Variants in DOCK9 observed in about 807,000 individuals in gnomAD.
The protein encoded by DOCK9 is dedicator of cytokinesis 9.
Under a neutral mutation model 263.3 loss-of-function variants are expected in DOCK9, and 89 were observed. The observed-to-expected ratio is 0.34, with a 90% CI of 0.28 to 0.40. DOCK9 has a LOEUF of 0.40. Ranked by LOEUF, DOCK9 falls within the 10% of genes least tolerant of loss-of-function variation. The pLI is 1.00. For missense variants in DOCK9, 2,140 were observed against 2,603.4 expected (o/e 0.82, Z 3.87); for synonymous variants, 976 against 973.1 (o/e 1.00, Z -0.06).
At chr13:98,999,479 T>C (rs1881851215) in intron 1 of DOCK9, among the ~76,000 whole-genome samples, 1 of 152,226 alleles carries the variant, frequency 6.6e-6, no homozygotes, top group South Asian at 2.1e-4. Flanking sequence ...TTCCAGATCA[T>C]CTGGCCTTCT....
intron 2 of DOCK9, among the ~76,000 whole-genome samples, chr13:98,937,288 A>T (rs77926066): frequency 0.03 from 4,601 of 152,268 alleles, 228 homozygotes; most frequent in African/African-American, 0.1. Flanking sequence ...CATCTCACAC[A>T]ACTATTTGGA....
chr13:99,036,978 T>C (rs531993148), intron 1 of DOCK9, among the ~76,000 whole-genome samples: 2 of 152,302 alleles, frequency 1.3e-5, no homozygotes, highest in African/African-American at 2.4e-5. Context: ...GCAAATATAA[T>C]TGAGAATAAG....
chr13:98,984,337 A>C (rs576181624), intron 1 of DOCK9, among the ~76,000 whole-genome samples: 1 of 152,242 alleles, frequency 6.6e-6, no homozygotes, highest in Admixed American at 6.5e-5. Context: ...ACATGTGCAC[A>C]GTCTACTCAT....
chr13:98,898,295 G>C (rs2047741311), intron 13 of DOCK9, 34 bp from the exon 14 acceptor site: 1 of 1,535,382 alleles, frequency 6.5e-7, no homozygotes, highest in African/African-American at 1.4e-5. Flanking sequence ...ATGAGATACT[G>C]CATCTCACTG....
rs992877624 is a variant in DOCK9 at position 99,060,845 on chromosome 13, C to A, written c.129+25378G>T. Among the ~76,000 whole-genome samples the A allele has an allele frequency of 1.9e-4, 29 of 152,202 alleles. 1 individual carries two copies. Among genetic ancestry groups the A allele is most frequent in the African/African-American group, 2.4e-5 (1 of 41,444 alleles). On this transcript the variant is annotated intron_variant, in intron 1 of 32. Transcript: ENST00000427887. Reference sequence around the variant, plus strand: ...AGGTCTGCAAGGTCAGGGGCTGAGTCTGTCCCATTTACAGCTCTATCCTCA... The same window carrying A: ...AGGTCTGCAAGGTCAGGGGCTGAGTATGTCCCATTTACAGCTCTATCCTCA...
upstream of DOCK9, among the ~76,000 whole-genome samples, chr13:99,086,876 C>T (rs1335870332): frequency 6.6e-6 from 1 of 151,770 alleles, no homozygotes; most frequent in Non-Finnish European, 1.5e-5. Context: ...CGCCTCCGCC[C>T]CGGGCCGCAC....
chr13:98,932,404 C>CA (rs1488368829), intron 2 of DOCK9, among the ~76,000 whole-genome samples: 2 of 150,700 alleles, frequency 1.3e-5, no homozygotes, highest in African/African-American at 4.9e-5. Flanking sequence ...CAAAAAACAA[C>CA]AACAAACAAA....
chr13:99,041,046 A>G (rs1888407870), intron 1 of DOCK9, among the ~76,000 whole-genome samples: 1 of 152,204 alleles, frequency 6.6e-6, no homozygotes, highest in Non-Finnish European at 1.5e-5. Flanking sequence ...GCTACTGTGT[A>G]TGGGGCCACT....
chr13:99,054,557 T>C (rs2040836049), intron 1 of DOCK9, among the ~76,000 whole-genome samples: 1 of 152,328 alleles, frequency 6.6e-6, no homozygotes, highest in Middle Eastern at 3.4e-3. Context: ...TTGCTGTTAG[T>C]TGTTGGTTGG....
In DOCK9 at chr13:98,922,153, G is replaced by C. The variant is rs373321131; in HGVS notation, c.487-7C>G. 2 of 1,581,866 alleles carry C rather than the reference G, an allele frequency of 1.3e-6. No homozygotes were observed. The highest frequency in any genetic ancestry group is 2.3e-5 in the South Asian group (2 of 86,176). On this transcript the variant is annotated splice_region_variant and splice_polypyrimidine_tract_variant and intron_variant, in intron 5 of 52. Coordinates refer to ENST00000682017, the MANE Select transcript of DOCK9 (RefSeq NM_001366683.2). ...AACCAAGGGAGGCAGCATCCTAGGA[G>C]AGAAGGAAAACACCAGCAGTCAACC...
chr13:99,058,390 G>A (rs1277021272), intron 1 of DOCK9, among the ~76,000 whole-genome samples: 1 of 152,072 alleles, frequency 6.6e-6, no homozygotes, highest in Non-Finnish European at 1.5e-5. Flanking sequence ...TTGAACTCCT[G>A]ACCTCAAGTG....
At chr13:98,935,278 C>CAATA (rs569909480) in intron 2 of DOCK9, among the ~76,000 whole-genome samples, 65 of 152,018 alleles carry the variant, frequency 4.3e-4, no homozygotes, top group Admixed American at 7.2e-4. Flanking sequence ...AACTCTTTGC[C>CAATA]AATAAATAAA....
intron 5 of DOCK9, 49 bp downstream of exon 5, chr13:98,923,253 T>G (rs919123785): frequency 6.5e-7 from 1 of 1,538,456 alleles, no homozygotes; most frequent in Non-Finnish European, 9.0e-7. Flanking sequence ...GTAAAATTGA[T>G]GTTTAAATCT....
intron 2 of DOCK9, among the ~76,000 whole-genome samples, chr13:98,939,905 G>A (rs1310523208): frequency 6.6e-6 from 1 of 152,204 alleles, no homozygotes; most frequent in Non-Finnish European, 1.5e-5. Context: ...GTAGAATTAT[G>A]TCCCTTTGAT....
chr13:98,920,538 C>A (rs912229035), intron 7 of DOCK9, among the ~76,000 whole-genome samples: 2 of 145,158 alleles, frequency 1.4e-5, no homozygotes, highest in African/African-American at 5.1e-5. Flanking sequence ...GCGCTGAAAC[C>A]TAATCTCTTT....
chr13:98,869,275 T>C (rs1263012675), intron 27 of DOCK9, among the ~76,000 whole-genome samples: 1 of 152,238 alleles, frequency 6.6e-6, no homozygotes, highest in Non-Finnish European at 1.5e-5. Flanking sequence ...CTTCTACATG[T>C]CAGACACTGC....
upstream of DOCK9, chr13:99,086,744 C>A (rs1182175986): frequency 6.8e-6 from 1 of 146,878 alleles, no homozygotes; most frequent in African/African-American, 2.5e-5. Context: ...GGAGGAGGGG[C>A]CGCCGCGGCG....
Position 99,004,788 on chromosome 13 carries a change from C to G in DOCK9, c.130-49237G>C, listed in dbSNP as rs1428049227. On this transcript the variant is annotated intron_variant, in intron 1 of 32. Transcript: ENST00000427887. ...TGCATTGACCAAAAAACTATAGACA[C>G]ACACACACACACACACACACACACA... 5.0e-5 allele frequency among the ~76,000 whole-genome samples: 3 copies of G among 60,358 alleles called. No individual in the cohort carries two copies. The East Asian group carries it at 7.5e-4, about 15-fold the overall frequency. The allele number at this position is 60,358 out of a possible 152,430, so 39.6% of individuals were successfully genotyped here. A position where few individuals can be genotyped will look rare whatever the true frequency, so the allele number is the denominator to read the frequency against.
intron 27 of DOCK9, among the ~76,000 whole-genome samples, chr13:98,877,462 T>G (rs1243682327): frequency 3.3e-5 from 5 of 152,186 alleles, no homozygotes; most frequent in Non-Finnish European, 7.3e-5. Context: ...TTTCACGTGG[T>G]CTTCCTTGCA....
Sources: gnomAD v4.1 joint callset for allele counts (sites outside exome capture counted in the v4.1 genomes callset) on GRCh38, gnomAD v4.1.1 for gene constraint, MANE v1.5 for transcripts, NCBI Gene and HGNC (gene_info 2026-07-23, HGNC 2026-07-21) for gene names.